CAMK4: variants seen among roughly 807,000 people sequenced by gnomAD.
CAMK4 encodes calcium/calmodulin dependent protein kinase IV, also known as calcium/calmodulin-dependent protein kinase type IV.
A neutral mutation model predicts 44.9 loss-of-function variants in CAMK4; 22 were observed. That is an observed-to-expected ratio of 0.49 (90% CI 0.35 to 0.70). The LOEUF (loss-of-function observed/expected upper bound fraction) is 0.70. Among genes scored for constraint, CAMK4 ranks in the 30% least tolerant of loss-of-function variants. CAMK4 has a pLI of 0.01. For synonymous variants in CAMK4, 218 were observed against 215.4 expected (o/e 1.01, Z -0.11); for missense variants, 498 against 586.8 (o/e 0.85, Z 1.56).
At chr5:111,362,840 A>G (rs988685198) in intron 2 of CAMK4, among the ~76,000 whole-genome samples, 4 of 152,080 alleles carry the variant, frequency 2.6e-5, no homozygotes, top group East Asian at 1.9e-4. Context: ...AGCTACATCC[A>G]TAGAATTCTT....
chr5:111,404,236 G>A (rs1373581533), intron 5 of CAMK4, among the ~76,000 whole-genome samples: 1 of 152,154 alleles, frequency 6.6e-6, no homozygotes, highest in African/African-American at 2.4e-5. Context: ...GTTCACTTTG[G>A]GATGGAGACT....
rs916379486 is a variant in CAMK4 at position 111,303,763 on chromosome 5, C to T, written c.162-40261C>T. ...CAGAGAACGCCACAGAGATACTCCT[C>T]GAGAAGAGCAACTCGAAGACACATA... On this transcript the variant is annotated intron_variant, in intron 1 of 10. Transcript: ENST00000282356. 3.4e-5 allele frequency among the ~76,000 whole-genome samples: 5 copies of T among 147,906 alleles called. 1 individual carries two copies. Among genetic ancestry groups the T allele is most frequent in the East Asian group, 3.9e-4 (2 of 5,124 alleles).
intron 1 of CAMK4, among the ~76,000 whole-genome samples, chr5:111,263,027 A>G (rs1750056660): frequency 6.6e-6 from 1 of 152,202 alleles, no homozygotes; most frequent in Non-Finnish European, 1.5e-5. Context: ...GTTGTTTCTA[A>G]TATAAGTGAA....
chr5:111,423,836 C>T (rs146763255), intron 5 of CAMK4, among the ~76,000 whole-genome samples: 2 of 152,294 alleles, frequency 1.3e-5, no homozygotes, highest in African/African-American at 4.8e-5. Context: ...ACTCCCATGA[C>T]TTATTAAGCA....
intron 5 of CAMK4, among the ~76,000 whole-genome samples, chr5:111,420,587 G>C (rs1010424256): frequency 1.3e-5 from 2 of 152,038 alleles, no homozygotes; most frequent in Admixed American, 6.6e-5. Flanking sequence ...GCCTGGGAGC[G>C]CTATGGGAGA....
chr5:111,330,084 T>A (rs1749095882), intron 1 of CAMK4, among the ~76,000 whole-genome samples: 2 of 115,350 alleles, frequency 1.7e-5, no homozygotes, highest in African/African-American at 2.9e-5. Context: ...AGAATTCTAC[T>A]CCCCACCACC....
chr5:111,287,926 A>G (rs1326403438), intron 1 of CAMK4, among the ~76,000 whole-genome samples: 1 of 152,248 alleles, frequency 6.6e-6, no homozygotes, highest in Non-Finnish European at 1.5e-5. Context: ...CGCCTCTGGC[A>G]GGCCTTCTCC....
chr5:111,457,502 C>A (rs886102667), intron 7 of CAMK4, among the ~76,000 whole-genome samples: 2 of 152,192 alleles, frequency 1.3e-5, no homozygotes, highest in Non-Finnish European at 2.9e-5. Flanking sequence ...AAGGATGATT[C>A]CACACACTTG....
intron 5 of CAMK4, among the ~76,000 whole-genome samples, chr5:111,446,461 A>G (rs1754031121): frequency 6.6e-6 from 1 of 152,224 alleles, no homozygotes; most frequent in Non-Finnish European, 1.5e-5. Flanking sequence ...TCATTCTGGG[A>G]ATAGATTCTA....
At chr5:111,316,809 T>C (rs1748444239) in intron 1 of CAMK4, among the ~76,000 whole-genome samples, 1 of 152,160 alleles carries the variant, frequency 6.6e-6, no homozygotes, top group East Asian at 1.9e-4. Flanking sequence ...TTTTCAAGAA[T>C]AGGAATAGCA....
chr5:111,312,258 G>A (rs1748237705), intron 1 of CAMK4, among the ~76,000 whole-genome samples: 1 of 152,168 alleles, frequency 6.6e-6, no homozygotes. Flanking sequence ...CACCAAACAA[G>A]CCAGATATCA....
At chr5:111,320,112 A>G (rs192744078) in intron 1 of CAMK4, among the ~76,000 whole-genome samples, 6 of 152,318 alleles carry the variant, frequency 3.9e-5, no homozygotes, top group African/African-American at 1.4e-4. Flanking sequence ...GGAGGAGGTG[A>G]TGTAAACAAA....
chr5:111,367,885 G>A (rs1011738852), intron 2 of CAMK4, among the ~76,000 whole-genome samples: 4 of 152,090 alleles, frequency 2.6e-5, no homozygotes. Context: ...CCCATTGGAT[G>A]CAGCTGCCCA....
chr5:111,240,327 G>A (rs1209036762), intron 1 of CAMK4, among the ~76,000 whole-genome samples: 1 of 150,588 alleles, frequency 6.6e-6, no homozygotes, highest in Non-Finnish European at 1.5e-5. Context: ...AAACCCATAA[G>A]TAGTAAGGAA....
intron 2 of CAMK4, among the ~76,000 whole-genome samples, chr5:111,349,571 G>T (rs1056764447): frequency 5.3e-5 from 8 of 151,980 alleles, no homozygotes; most frequent in African/African-American, 1.9e-4. Context: ...AAATTAAGCA[G>T]TTGGAAACTT....
rs6890458 is a variant in CAMK4 at position 111,432,635 on chromosome 5, T to C, written c.460-14051T>C. 4.6e-3 allele frequency among the ~76,000 whole-genome samples: 640 copies of C among 139,188 alleles called. 6 individuals are homozygous for C. Among genetic ancestry groups the C allele is most frequent in the African/African-American group, 0.018 (615 of 34,704 alleles). The allele number at this position is 139,188 out of a possible 152,430, so 91.3% of individuals were successfully genotyped here. ...ATATATGTGTGTGTATATATATATA[T>C]ACATATATATATGTATATATGTGTG... On this transcript the variant is annotated intron_variant, in intron 5 of 10. Coordinates refer to ENST00000282356, the MANE Select transcript of CAMK4 (RefSeq NM_001744.6).
chr5:111,395,572 G>T (rs573959311), intron 5 of CAMK4, among the ~76,000 whole-genome samples: 4 of 152,090 alleles, frequency 2.6e-5, no homozygotes, highest in African/African-American at 9.6e-5. Context: ...AAGAAAGAAT[G>T]TATCAGTTTT....
Position 111,242,225 on chromosome 5 carries a change from A to G in CAMK4, c.161+17581A>G, listed in dbSNP as rs181278787. Among the ~76,000 whole-genome samples, 206 of 152,190 alleles carry G rather than the reference A, an allele frequency of 1.4e-3. 1 individual carries two copies. Among genetic ancestry groups the G allele is most frequent in the Non-Finnish European group, 2.1e-3 (142 of 68,010 alleles). ...TTCTCCTTCACCCCTTCCCCTAATAAGACATATTCTCCCACTTAATACATG... is the reference window on the plus strand; with the variant it reads ...TTCTCCTTCACCCCTTCCCCTAATAGGACATATTCTCCCACTTAATACATG... On this transcript the variant is annotated intron_variant, in intron 1 of 10. Coordinates refer to ENST00000282356, the MANE Select transcript of CAMK4 (RefSeq NM_001744.6).
Position 111,450,479 on chromosome 5 carries a change from T to C in CAMK4, c.625+1276T>C, listed in dbSNP as rs534150535. 1.5e-4 allele frequency among the ~76,000 whole-genome samples: 23 copies of C among 151,222 alleles called. 1 individual carries two copies. The South Asian group carries it at 4.6e-3, about 30-fold the overall frequency. On this transcript the variant is annotated intron_variant, in intron 7 of 10. Transcript: ENST00000282356. ...CTGCCCTTACACCCACACTGGGGGC[T>C]CACAATCTACAAGAAAACAGACATG...
Sources: allele counts gnomAD v4.1 joint callset (sites outside exome capture counted in the v4.1 genomes callset), GRCh38; gene constraint gnomAD v4.1.1; transcripts MANE v1.5; gene names NCBI Gene and HGNC (gene_info 2026-07-23, HGNC 2026-07-21).